Variants in ZNF821 observed in about 807,000 individuals in gnomAD.
ZNF821 encodes zinc finger protein 821.
A neutral mutation model predicts 44.3 loss-of-function variants in ZNF821; 16 were observed. The observed-to-expected ratio is 0.36, with a 90% confidence interval of 0.24 to 0.55. ZNF821 has a LOEUF of 0.55. ZNF821 is among the 20% of genes least tolerant of loss of function. The pLI is 0.86. For missense variants in ZNF821, 436 were observed against 547.6 expected (o/e 0.80, Z 2.03); for synonymous variants, 204 against 197.6 (o/e 1.03, Z -0.27).
intron 5 of ZNF821, 53 bp downstream of exon 5, chr16:71,864,850 G>A (rs185863879): frequency 6.2e-7 from 1 of 1,607,088 alleles, no homozygotes; most frequent in African/African-American, 1.3e-5. Flanking sequence ...CATCAGGGCA[G>A]GCAGAAGGGT....
Position 71,864,999 on chromosome 16 carries a change from G to C in ZNF821, c.216C>G (p.Ser72=), listed in dbSNP as rs1028881078. 8 of 1,614,116 alleles carry C rather than the reference G, an allele frequency of 5.0e-6. No individual in the cohort carries two copies. The East Asian group carries it at 1.8e-4, about 36-fold the overall frequency. The change falls in exon 5 of 8, where the codon TCC becomes TCG. Residue 72 remains serine, a synonymous_variant. Coordinates refer to ENST00000425432, the MANE Select transcript of ZNF821 (RefSeq NM_001201552.2). ...CCCCTCCATCTTCCTCTGATGTGTG[G>C]GAAGAGACTTCATCTTGTGTCGTCT... ...EEETTQDEVS[S]HTSEEDGGVV...
At position 71,860,504 on chromosome 16, in the gene ZNF821, C is replaced by G. The variant is rs781027817; in HGVS notation, c.753G>C (p.Gln251His). The change falls in exon 8 of 8, where the codon CAG (glutamine) becomes CAC (histidine). Residue 251 changes from glutamine to histidine, a missense_variant. By Grantham distance (24) the Gln-to-His change is conservative. This residue lies in a region of ZNF821 where 68 missense variants were observed against 57.0 expected (regional missense o/e 1.19). Transcript: ENST00000425432. This position sits in a 1 kb window ranked among gnomAD's most constrained non-coding sequence, Gnocchi z 7.3. ...GAGCCCACTTGCGTACACTGGGAGTCTGGGCTTCCAGCAGTTTACGGTAGG... is the reference window on the plus strand; with the variant it reads ...GAGCCCACTTGCGTACACTGGGAGTGTGGGCTTCCAGCAGTTTACGGTAGG... ...CAAYRKLLEA[Q>H]TPSVRKWALR... is the part of the protein sequence containing the mutation. 1 of 1,614,186 alleles carries G rather than the reference C, an allele frequency of 6.2e-7. No individual in the cohort carries two copies. The highest frequency in any genetic ancestry group is 1.7e-5 in the Admixed American group (1 of 60,026).
intron 7 of ZNF821, 48 bp downstream of exon 7, chr16:71,861,728 C>T (rs376064941): frequency 6.2e-7 from 1 of 1,606,732 alleles, no homozygotes; most frequent in Non-Finnish European, 8.5e-7. Flanking sequence ...GCAGAACTCA[C>T]ACCCAGTAAT....
At chr16:71,874,598 C>T (rs1444560059) in intron 3 of ZNF821, among the ~76,000 whole-genome samples, 1 of 152,008 alleles carries the variant, frequency 6.6e-6, no homozygotes, top group African/African-American at 2.4e-5. Context: ...GGATTACAGG[C>T]GTGTGTCACC....
At chr16:71,868,698 A>G (rs1402728729) in intron 3 of ZNF821, among the ~76,000 whole-genome samples, 1 of 152,088 alleles carries the variant, frequency 6.6e-6, no homozygotes, top group African/African-American at 2.4e-5. Context: ...TTCCTGAAAC[A>G]CACTGCTAAT....
At chr16:71,866,298 A>G (rs914967568) in intron 4 of ZNF821, among the ~76,000 whole-genome samples, 2 of 152,206 alleles carry the variant, frequency 1.3e-5, no homozygotes, top group African/African-American at 4.8e-5. Flanking sequence ...AACTAGTTAT[A>G]TTCCCTTTCT....
intron 1 of ZNF821, 138 bp from the exon 2 acceptor site, chr16:71,883,411 C>A: frequency 2.9e-6 from 1 of 349,722 alleles, no homozygotes; most frequent in Non-Finnish European, 5.6e-6. Flanking sequence ...CAGGTAAATT[C>A]CCAGGAATTA....
intron 3 of ZNF821, among the ~76,000 whole-genome samples, chr16:71,877,414 C>G (rs1369513715): frequency 2.0e-5 from 3 of 151,994 alleles, no homozygotes; most frequent in Admixed American, 6.6e-5. Flanking sequence ...ATGTATGCCC[C>G]CAGGCCTAGT....
intron 3 of ZNF821, among the ~76,000 whole-genome samples, chr16:71,874,176 G>A (rs1324438834): frequency 6.6e-6 from 1 of 151,672 alleles, no homozygotes; most frequent in African/African-American, 2.4e-5. Flanking sequence ...TGGCCAGGCT[G>A]GTCTTGAACT....
upstream of ZNF821, among the ~76,000 whole-genome samples, chr16:71,889,630 T>G (rs2036874996): frequency 6.6e-6 from 1 of 152,064 alleles, no homozygotes; most frequent in Non-Finnish European, 1.5e-5. Flanking sequence ...TCCAAGATTA[T>G]GCCATTGCAC....
chr16:71,862,233 T>C (rs931487173), intron 6 of ZNF821, among the ~76,000 whole-genome samples: 2 of 152,028 alleles, frequency 1.3e-5, no homozygotes, highest in Admixed American at 6.6e-5. Context: ...TCCCAACACT[T>C]TGGGAGGCCG....
At position 71,860,141 on chromosome 16, in the gene ZNF821, A is replaced by G. The variant is rs747912012; in HGVS notation, c.1116T>C (p.Ser372=). ...TTTCAGCTGCTAAGGCTGCCATGGC[A>G]GAAGGGTCCTGGCCAAACTGAGCTC... ...MLRAQFGQDP[S]AMAALAAEMN... Residue 372 remains serine (S), a synonymous_variant, in exon 8 of 8, where the codon TCT becomes TCC. Transcript: ENST00000425432. This position sits in a 1 kb window ranked among gnomAD's most constrained non-coding sequence, Gnocchi z 7.3. 1 of 1,614,248 alleles carries G rather than the reference A, an allele frequency of 6.2e-7. No homozygotes were observed. Among genetic ancestry groups the G allele is most frequent in the South Asian group, 1.1e-5 (1 of 91,090 alleles).
chr16:71,887,063 C>T (rs1261901669), upstream of ZNF821, among the ~76,000 whole-genome samples: 4 of 152,050 alleles, frequency 2.6e-5, no homozygotes, highest in African/African-American at 7.3e-5. Flanking sequence ...ATGGATATGC[C>T]ACATTTTATT....
intron 1 of ZNF821, among the ~76,000 whole-genome samples, chr16:71,893,316 C>G (rs1039175788): frequency 1.3e-5 from 2 of 151,962 alleles, no homozygotes; most frequent in African/African-American, 4.8e-5. Context: ...CGTGAGCCAC[C>G]GCGCCCGGCC....
At chr16:71,888,468 G>A (rs146284913), upstream of ZNF821, among the ~76,000 whole-genome samples, 2 of 152,036 alleles carry the variant, frequency 1.3e-5, no homozygotes, top group East Asian at 3.9e-4. Context: ...GGGGTGGGGG[G>A]CAATTTTATT....
chr16:71,885,856 A>G (rs541914495), upstream of ZNF821, among the ~76,000 whole-genome samples: 15 of 152,364 alleles, frequency 9.8e-5, no homozygotes, highest in Non-Finnish European at 2.1e-4. Flanking sequence ...TAGACAGAAA[A>G]TGGAATATTA....
intron 1 of ZNF821, chr16:71,894,708 T>G: frequency 1.8e-6 from 1 of 565,364 alleles, no homozygotes; most frequent in Non-Finnish European, 3.0e-6. Context: ...CTTTTTTTTT[T>G]TTTTTTTTGT....
rs2033708117 is a variant in ZNF821, at chr16:71,860,423, G to A, written c.834C>T (p.Arg278=). 1.2e-6 allele frequency: 2 copies of A among 1,613,218 alleles called. No homozygotes were observed. Among genetic ancestry groups the A allele is most frequent in the South Asian group, 1.1e-5 (1 of 91,082 alleles). Residue 278 remains arginine (R), a synonymous_variant, in exon 8 of 8, where the codon CGC becomes CGT. Coordinates refer to ENST00000425432, the MANE Select transcript of ZNF821 (RefSeq NM_001201552.2). The surrounding 1 kb of genome is among the most constrained non-coding windows in gnomAD (Gnocchi z 7.3). ...EVRLQRLERE[R]TAKKSRRDNE... is the part of the protein sequence containing the mutation. ...TGTCCCGCCGGCTCTTCTTGGCCGT[G>A]CGCTCTCGTTCCAGCCGCTGCAGCC...
chr16:71,863,435 T>C (rs2034158701), intron 6 of ZNF821, among the ~76,000 whole-genome samples: 2 of 133,702 alleles, frequency 1.5e-5, no homozygotes, highest in Admixed American at 8.3e-5. Context: ...ACAGTCTCAC[T>C]CTGTCACCCT....
Sources: allele counts gnomAD v4.1 joint callset (sites outside exome capture counted in the v4.1 genomes callset), GRCh38; gene constraint gnomAD v4.1.1; regional missense constraint gnomAD v4.1.1; non-coding constraint Gnocchi (gnomAD v3.1); transcripts MANE v1.5; gene names NCBI Gene and HGNC (gene_info 2026-07-23, HGNC 2026-07-21).